Variants in HCN1 observed in about 807,000 individuals in gnomAD.
The protein encoded by HCN1 is hyperpolarization activated cyclic nucleotide gated potassium channel 1, also known as potassium/sodium hyperpolarization-activated cyclic nucleotide-gated channel 1.
In HCN1, 13 loss-of-function variants were observed where a neutral mutation model predicts 78.9. That is an observed-to-expected ratio of 0.16 (90% CI 0.11 to 0.26). The LOEUF is 0.26. Among genes scored for constraint, HCN1 ranks in the 10% least tolerant of loss-of-function variants. The pLI, the probability that HCN1 is intolerant of heterozygous loss-of-function variation, is 1.00. For missense variants in HCN1, 810 were observed against 1,154.3 expected (o/e 0.70, Z 4.32); for synonymous variants, 552 against 455.5 (o/e 1.21, Z -2.70).
intron 1 of HCN1, among the ~76,000 whole-genome samples, chr5:45,652,990 C>T (rs1745705576): frequency 2.0e-5 from 3 of 151,912 alleles, no homozygotes; most frequent in South Asian, 4.1e-4. Flanking sequence ...TAGTAAATTG[C>T]CTCCTATTTA....
intron 4 of HCN1, among the ~76,000 whole-genome samples, chr5:45,373,976 A>T (rs1242631656): frequency 1.8e-4 from 17 of 92,896 alleles, no homozygotes; most frequent in African/African-American, 5.5e-4. Context: ...TACATACAGT[A>T]GATACATAAT....
At chr5:45,413,532 A>T (rs993045746) in intron 3 of HCN1, among the ~76,000 whole-genome samples, 1 of 152,082 alleles carries the variant, frequency 6.6e-6, no homozygotes, top group Non-Finnish European at 1.5e-5. Flanking sequence ...GTTTTTGGTT[A>T]TGTATTTTTC....
chr5:45,473,239 C>T (rs978245632), intron 2 of HCN1, among the ~76,000 whole-genome samples: 11 of 151,862 alleles, frequency 7.2e-5, no homozygotes, highest in Admixed American at 2.6e-4. Flanking sequence ...CTATATATCT[C>T]GAGAGAACCT....
chr5:45,265,218 G>A (rs936239291), intron 7 of HCN1, among the ~76,000 whole-genome samples: 4 of 151,788 alleles, frequency 2.6e-5, no homozygotes, highest in Non-Finnish European at 4.4e-5. Context: ...ACTGCAATAA[G>A]TTAGATGAAA....
chr5:45,345,649 C>A (rs1174970351), intron 5 of HCN1, among the ~76,000 whole-genome samples: 1 of 152,198 alleles, frequency 6.6e-6, no homozygotes, highest in Non-Finnish European at 1.5e-5. Context: ...CAGTTCCTAA[C>A]AAGATCCTCA....
intron 2 of HCN1, among the ~76,000 whole-genome samples, chr5:45,611,057 CTT>C (rs35729058): frequency 1.1e-3 from 162 of 142,266 alleles, no homozygotes; most frequent in African/African-American, 2.9e-3. Flanking sequence ...AAATTCTTTT[CTT>C]TTTTTTTTTT....
chr5:45,344,653 A>G (rs986484581), intron 5 of HCN1, among the ~76,000 whole-genome samples: 1 of 152,216 alleles, frequency 6.6e-6, no homozygotes, highest in African/African-American at 2.4e-5. Context: ...CAAATCTTAA[A>G]GCTCCAAAAT....
intron 5 of HCN1, among the ~76,000 whole-genome samples, chr5:45,332,649 C>T (rs1023915358): frequency 6.6e-6 from 1 of 151,486 alleles, no homozygotes; most frequent in Non-Finnish European, 1.5e-5. Flanking sequence ...CTATCTTTCC[C>T]AGCCTCTGGT....
chr5:45,552,847 T>C (rs1317048296), intron 2 of HCN1, among the ~76,000 whole-genome samples: 2 of 151,916 alleles, frequency 1.3e-5, no homozygotes, highest in African/African-American at 2.4e-5. Flanking sequence ...GGACTCTACA[T>C]GGCATAATGT....
At chr5:45,290,340 C>G (rs190464599) in intron 6 of HCN1, among the ~76,000 whole-genome samples, 1 of 152,150 alleles carries the variant, frequency 6.6e-6, no homozygotes, top group Non-Finnish European at 1.5e-5. Context: ...CAGGGTTCCA[C>G]CCTCATGACC....
At chr5:45,349,816 T>A (rs1746846202) in intron 5 of HCN1, among the ~76,000 whole-genome samples, 1 of 151,950 alleles carries the variant, frequency 6.6e-6, no homozygotes, top group African/African-American at 2.4e-5. Context: ...CTCCCAAGAC[T>A]AAACCAGGAA....
At chr5:45,295,107 C>T (rs930177935) in intron 6 of HCN1, among the ~76,000 whole-genome samples, 5 of 151,984 alleles carry the variant, frequency 3.3e-5, no homozygotes, top group African/African-American at 9.7e-5. Flanking sequence ...ACAACCCCAA[C>T]ACTCACTCAC....
At chr5:45,626,775 C>T (rs890633158) in intron 2 of HCN1, among the ~76,000 whole-genome samples, 3 of 151,708 alleles carry the variant, frequency 2.0e-5, no homozygotes, top group Admixed American at 6.6e-5. Context: ...CATTCAGGGC[C>T]CTGGTCAAGT....
chr5:45,287,545 A>G (rs1213803779), intron 6 of HCN1, among the ~76,000 whole-genome samples: 2 of 152,184 alleles, frequency 1.3e-5, no homozygotes, highest in East Asian at 3.9e-4. Flanking sequence ...AGTTGTTTGA[A>G]GAGTTTGGAT....
intron 1 of HCN1, among the ~76,000 whole-genome samples, chr5:45,653,480 T>C (rs1421316364): frequency 6.6e-6 from 1 of 152,156 alleles, no homozygotes; most frequent in East Asian, 1.9e-4. Flanking sequence ...CCAAATTAAA[T>C]GCCAATCATC....
intron 7 of HCN1, among the ~76,000 whole-genome samples, chr5:45,263,893 A>G (rs545563699): frequency 1.4e-4 from 21 of 152,244 alleles, no homozygotes; most frequent in African/African-American, 5.1e-4. Flanking sequence ...TCCCGGGTTC[A>G]TGCCATTCTC....
At chr5:45,262,972 A>G (rs1356823542) in intron 7 of HCN1, among the ~76,000 whole-genome samples, 162 bp from the exon 8 acceptor site, 1 of 151,982 alleles carries the variant, frequency 6.6e-6, no homozygotes, top group East Asian at 1.9e-4. Context: ...TGTGGCTCCT[A>G]CCTTTCACAC....
intron 4 of HCN1, among the ~76,000 whole-genome samples, chr5:45,377,248 G>A (rs116198265): frequency 3.2e-3 from 484 of 151,878 alleles, no homozygotes; most frequent in African/African-American, 0.011. Context: ...GGTGGCAGTC[G>A]GAATTCAATG....
At chr5:45,457,709 TGTG>T (rs1173124793) in intron 3 of HCN1, among the ~76,000 whole-genome samples, 1 of 152,162 alleles carries the variant, frequency 6.6e-6, no homozygotes, top group Non-Finnish European at 1.5e-5. Flanking sequence ...TAAAGTTTCA[TGTG>T]GTGAGGGCCT....
Sources: gnomAD v4.1 joint callset for allele counts (sites outside exome capture counted in the v4.1 genomes callset) on GRCh38, gnomAD v4.1.1 for gene constraint, MANE v1.5 for transcripts, NCBI Gene and HGNC (gene_info 2026-07-23, HGNC 2026-07-21) for gene names.